ZNF385D: variants seen among roughly 807,000 people sequenced by gnomAD.
ZNF385D encodes the protein zinc finger protein 659.
ZNF385D carries 15 observed loss-of-function variants against 35.8 expected under a neutral mutation model. The ratio of observed to expected loss-of-function variants is 0.42; its 90% CI spans 0.28 to 0.64. The LOEUF is 0.64. Among genes scored for constraint, ZNF385D ranks in the 30% least tolerant of loss-of-function variants. ZNF385D has a pLI of 0.23. For missense variants in ZNF385D, 474 were observed against 494.6 expected (o/e 0.96, Z 0.39); for synonymous variants, 212 against 186.8 (o/e 1.13, Z -1.10).
intron 2 of ZNF385D, among the ~76,000 whole-genome samples, chr3:22,298,464 AT>A (rs1319196639): frequency 1.6e-5 from 2 of 124,132 alleles, no homozygotes; most frequent in Non-Finnish European, 3.6e-5. Flanking sequence ...TATATAATAT[AT>A]AAATATACAT....
chr3:22,106,545 G>C (rs144813130), intron 3 of ZNF385D, among the ~76,000 whole-genome samples: 58 of 152,178 alleles, frequency 3.8e-4, no homozygotes, highest in African/African-American at 1.2e-3. Flanking sequence ...TTTAGCTCCT[G>C]GGCATCTGAT....
intron 1 of ZNF385D, among the ~76,000 whole-genome samples, chr3:21,699,890 G>A (rs181326494): frequency 9.2e-5 from 13 of 141,410 alleles, no homozygotes; most frequent in Admixed American, 8.0e-4. Context: ...GAAGTGCAGT[G>A]GTGCGATCTT....
chr3:22,266,949 G>C (rs1359698199), intron 2 of ZNF385D, among the ~76,000 whole-genome samples: 1 of 151,778 alleles, frequency 6.6e-6, no homozygotes, highest in Non-Finnish European at 1.5e-5. Flanking sequence ...GATATGTAAC[G>C]ACAATAAATA....
At chr3:22,139,343 T>G (rs893035520) in intron 3 of ZNF385D, among the ~76,000 whole-genome samples, 5 of 152,108 alleles carry the variant, frequency 3.3e-5, no homozygotes, top group Non-Finnish European at 7.3e-5. Context: ...GTATTCACAA[T>G]AGCAAAGACT....
chr3:21,450,032 G>A (rs6800433), intron 4 of ZNF385D, among the ~76,000 whole-genome samples: 9,222 of 152,272 alleles, frequency 0.061, 292 homozygotes, highest in African/African-American at 0.082. Flanking sequence ...AGGTCCCAGG[G>A]TATCTGAGGA....
intron 2 of ZNF385D, among the ~76,000 whole-genome samples, chr3:21,619,193 A>G (rs778094042): frequency 3.3e-5 from 5 of 152,148 alleles, no homozygotes; most frequent in East Asian, 1.9e-4. Flanking sequence ...TTCTTATCCC[A>G]TAAGTATACC....
intron 3 of ZNF385D, among the ~76,000 whole-genome samples, chr3:21,997,862 CGCGCGCGCGCGTGTGTGTGTGT>C (rs1212902133): frequency 4.4e-5 from 5 of 112,558 alleles, no homozygotes; most frequent in Middle Eastern, 4.4e-3. Context: ...ATTTGGCGCG[CGCGCGCGCGCGTGTGTGTGTGT>C]GTGTGTGTGT....
chr3:22,001,619 A>G (rs1273412961), intron 3 of ZNF385D, among the ~76,000 whole-genome samples: 1 of 152,148 alleles, frequency 6.6e-6, no homozygotes, highest in Non-Finnish European at 1.5e-5. Flanking sequence ...CATTACACCA[A>G]ATGGATCTAA....
intron 4 of ZNF385D, among the ~76,000 whole-genome samples, chr3:21,442,290 A>G (rs1701902382): frequency 6.6e-6 from 1 of 152,168 alleles, no homozygotes; most frequent in African/African-American, 2.4e-5. Flanking sequence ...GTTTCCTCTC[A>G]GGTAACAGGG....
At chr3:21,752,042 G>A (rs1318643481), upstream of ZNF385D, among the ~76,000 whole-genome samples, 5 of 110,076 alleles carry the variant, frequency 4.5e-5, no homozygotes, top group Admixed American at 5.9e-4. Flanking sequence ...CACACACAAC[G>A]CTCTCATTAA....
intron 2 of ZNF385D, among the ~76,000 whole-genome samples, chr3:22,313,077 T>C (rs977297637): frequency 2.6e-5 from 4 of 151,914 alleles, no homozygotes; most frequent in Non-Finnish European, 4.4e-5. Flanking sequence ...CCATAAAAAA[T>C]GATGAGTTCA....
chr3:22,073,746 G>A (rs1011540894), intron 3 of ZNF385D, among the ~76,000 whole-genome samples: 4 of 151,950 alleles, frequency 2.6e-5, no homozygotes, highest in African/African-American at 9.7e-5. Context: ...ACTGTTTGCT[G>A]AATTGAAGAA....
chr3:22,113,008 T>A (rs1425016500), intron 3 of ZNF385D, among the ~76,000 whole-genome samples: 1 of 152,078 alleles, frequency 6.6e-6, no homozygotes, highest in Non-Finnish European at 1.5e-5. Context: ...GTGGCCTTGG[T>A]CAACCCCAAC....
intron 1 of ZNF385D, among the ~76,000 whole-genome samples, chr3:21,700,929 T>C (rs183319625): frequency 6.6e-6 from 1 of 152,306 alleles, no homozygotes; most frequent in Non-Finnish European, 1.5e-5. Flanking sequence ...GTTGTGAATA[T>C]TTTTTCTCCG....
intron 3 of ZNF385D, among the ~76,000 whole-genome samples, chr3:21,975,564 C>G (rs1703543525): frequency 6.6e-6 from 1 of 151,852 alleles, no homozygotes; most frequent in African/African-American, 2.4e-5. Flanking sequence ...GGTTGTAACA[C>G]AAAGAAAGGA....
chr3:21,947,839 T>C (rs1189883526), intron 3 of ZNF385D, among the ~76,000 whole-genome samples: 6 of 152,274 alleles, frequency 3.9e-5, no homozygotes, highest in Admixed American at 1.3e-4. Context: ...GTCAGGGTTA[T>C]GTATTTGTCT....
intron 3 of ZNF385D, among the ~76,000 whole-genome samples, chr3:21,892,876 G>A (rs1007660619): frequency 1.4e-4 from 21 of 152,092 alleles, no homozygotes; most frequent in Admixed American, 1.4e-3. Context: ...TTTACAAAAT[G>A]AAATAGAATA....
chr3:21,711,038 A>ATTTTTTTTTTTTTTT (rs562190313), intron 1 of ZNF385D, among the ~76,000 whole-genome samples: 3 of 55,822 alleles, frequency 5.4e-5, no homozygotes, highest in African/African-American at 2.2e-4. Flanking sequence ...TCCCTCTAAA[A>ATTTTTTTTTTTTTTT]GTTTTTTTTT....
At chr3:21,757,134 T>TTTTTTTTTTTTTTTTTTTTTTG (rs1553654008) in intron 3 of ZNF385D, among the ~76,000 whole-genome samples, 1 of 128,232 alleles carries the variant, frequency 7.8e-6, no homozygotes, top group African/African-American at 2.9e-5. Flanking sequence ...TTTTTTTTTT[T>TTTTTTTTTTTTTTTTTTTTTTG]TTTTTGTTTT....
Sources: gnomAD v4.1 joint callset for allele counts (sites outside exome capture counted in the v4.1 genomes callset) on GRCh38, gnomAD v4.1.1 for gene constraint, MANE v1.5 for transcripts, NCBI Gene and HGNC (gene_info 2026-07-23, HGNC 2026-07-21) for gene names.